GPC5: variants seen among roughly 807,000 people sequenced by gnomAD.
GPC5 encodes the protein glypican-5.
Under a neutral mutation model 53.9 loss-of-function variants are expected in GPC5, and 47 were observed. The observed-to-expected ratio is 0.87, with a 90% CI of 0.69 to 1.11. The LOEUF is 1.11. Among genes scored for constraint, GPC5 ranks in the 50% most tolerant of loss-of-function variants. GPC5 has a pLI of 0.00. For synonymous variants in GPC5, 286 were observed against 263.3 expected (o/e 1.09, Z -0.84); for missense variants, 748 against 713.1 (o/e 1.05, Z -0.56).
chr13:92,307,396 G>T (rs1445305889), intron 7 of GPC5, among the ~76,000 whole-genome samples: 2 of 152,224 alleles, frequency 1.3e-5, no homozygotes, highest in Admixed American at 1.3e-4. Context: ...AGAGGTTGCA[G>T]TGAGCCGAGA....
chr13:92,031,095 A>G (rs539022484), intron 6 of GPC5, among the ~76,000 whole-genome samples: 1 of 152,030 alleles, frequency 6.6e-6, no homozygotes, highest in East Asian at 1.9e-4. Flanking sequence ...CTATAACACC[A>G]TGGCCTACTG....
At chr13:92,708,833 T>TAGC (rs1888034285) in intron 7 of GPC5, among the ~76,000 whole-genome samples, 1 of 145,992 alleles carries the variant, frequency 6.8e-6, no homozygotes, top group Non-Finnish European at 1.5e-5. Flanking sequence ...ATGTGCCTAC[T>TAGC]AGCAGCATCT....
intron 5 of GPC5, among the ~76,000 whole-genome samples, chr13:91,829,760 G>A (rs904497015): frequency 2.0e-5 from 3 of 152,008 alleles, no homozygotes; most frequent in African/African-American, 7.2e-5. Context: ...GACATCACAT[G>A]TCGGTAGGTT....
chr13:91,795,710 C>A (rs2038035955), intron 5 of GPC5, among the ~76,000 whole-genome samples: 1 of 152,072 alleles, frequency 6.6e-6, no homozygotes, highest in African/African-American at 2.4e-5. Flanking sequence ...GAGGTGCTAA[C>A]CCTGCCCTTC....
At chr13:91,703,114 A>T (rs1157119385) in intron 3 of GPC5, among the ~76,000 whole-genome samples, 1 of 152,056 alleles carries the variant, frequency 6.6e-6, no homozygotes, top group Non-Finnish European at 1.5e-5. Context: ...AGATCATGTT[A>T]TCTGAAAAGA....
At chr13:92,631,343 A>G (rs1372270536) in intron 7 of GPC5, among the ~76,000 whole-genome samples, 1 of 152,120 alleles carries the variant, frequency 6.6e-6, no homozygotes, top group Non-Finnish European at 1.5e-5. Context: ...TAGACAGCCA[A>G]GTTTATTTTT....
At chr13:92,032,171 G>A (rs572027113) in intron 6 of GPC5, among the ~76,000 whole-genome samples, 41 of 149,252 alleles carry the variant, frequency 2.7e-4, no homozygotes, top group African/African-American at 9.1e-4. Flanking sequence ...TCTAAGTGAA[G>A]TAACTCAGGA....
At chr13:91,538,782 C>T (rs1462150379) in intron 2 of GPC5, among the ~76,000 whole-genome samples, 4 of 151,618 alleles carry the variant, frequency 2.6e-5, no homozygotes, top group Non-Finnish European at 4.4e-5. Flanking sequence ...CCGGGTTTCA[C>T]CATGTTAGCC....
chr13:91,977,956 AAAGAAAGAAAG>A (rs1566374999), intron 6 of GPC5, among the ~76,000 whole-genome samples: 119 of 137,440 alleles, frequency 8.7e-4, no homozygotes, highest in Non-Finnish European at 1.2e-3. Flanking sequence ...CTAAAAGAAA[AAAGAAAGAAAG>A]AAAGAAAGAA....
intron 7 of GPC5, among the ~76,000 whole-genome samples, chr13:92,603,494 C>T (rs893482658): frequency 6.6e-6 from 1 of 152,092 alleles, no homozygotes; most frequent in South Asian, 2.1e-4. Context: ...CTGATAAGAA[C>T]ATTTGGATTA....
At chr13:91,716,730 A>G (rs924945546) in intron 3 of GPC5, among the ~76,000 whole-genome samples, 5 of 152,226 alleles carry the variant, frequency 3.3e-5, no homozygotes, top group Non-Finnish European at 7.3e-5. Context: ...ATAGGTAAGT[A>G]GATGTGAGGA....
At chr13:92,707,452 A>T (rs1887990690) in intron 7 of GPC5, among the ~76,000 whole-genome samples, 1 of 152,016 alleles carries the variant, frequency 6.6e-6, no homozygotes, top group African/African-American at 2.4e-5. Flanking sequence ...TTTTGTTTCC[A>T]ACGGCCCTTG....
chr13:92,835,352 A>G (rs1441951699), intron 7 of GPC5, among the ~76,000 whole-genome samples: 6 of 151,946 alleles, frequency 3.9e-5, no homozygotes, highest in Non-Finnish European at 7.4e-5. Flanking sequence ...CTCAGGTAAA[A>G]TTCTCCAAAT....
chr13:91,548,961 A>G (rs1422426025), intron 2 of GPC5, among the ~76,000 whole-genome samples: 1 of 152,178 alleles, frequency 6.6e-6, no homozygotes, highest in African/African-American at 2.4e-5. Flanking sequence ...AAAGTGGATC[A>G]TAGACGTAAG....
At chr13:92,049,744 G>C (rs1329164239) in intron 6 of GPC5, among the ~76,000 whole-genome samples, 1 of 152,120 alleles carries the variant, frequency 6.6e-6, no homozygotes, top group African/African-American at 2.4e-5. Flanking sequence ...GATGAAATTA[G>C]ATTGCAATGT....
At chr13:92,587,577 A>G (rs893397674) in intron 7 of GPC5, among the ~76,000 whole-genome samples, 7 of 147,352 alleles carry the variant, frequency 4.8e-5, no homozygotes, top group African/African-American at 1.7e-4. Context: ...GTACTCCTGC[A>G]GAAGAATATT....
intron 7 of GPC5, among the ~76,000 whole-genome samples, chr13:92,532,796 T>A (rs1257098699): frequency 6.6e-6 from 1 of 152,144 alleles, no homozygotes; most frequent in South Asian, 2.1e-4. Context: ...TATTTCACTT[T>A]CCTTCAGGGC....
chr13:92,350,768 C>A (rs963038614), intron 7 of GPC5, among the ~76,000 whole-genome samples: 2 of 152,146 alleles, frequency 1.3e-5, no homozygotes, highest in African/African-American at 4.8e-5. Context: ...TAAATCATCA[C>A]ATGACTTTTT....
intron 6 of GPC5, among the ~76,000 whole-genome samples, chr13:91,918,044 A>G (rs1222031717): frequency 6.6e-6 from 1 of 152,222 alleles, no homozygotes; most frequent in Admixed American, 6.5e-5. Flanking sequence ...TAATTTATAA[A>G]GAAAAGATGT....
Sources: allele counts gnomAD v4.1 joint callset (sites outside exome capture counted in the v4.1 genomes callset), GRCh38; gene constraint gnomAD v4.1.1; transcripts MANE v1.5; gene names NCBI Gene and HGNC (gene_info 2026-07-23, HGNC 2026-07-21).